The following TBC1D5 variants were observed in gnomAD, a reference collection of about 807,000 sequenced individuals.
The protein encoded by TBC1D5 is TBC1 domain family, member 5.
In TBC1D5, 75 loss-of-function variants were observed where a neutral mutation model predicts 100.3. The ratio of observed to expected loss-of-function variants is 0.75; its 90% confidence interval spans 0.62 to 0.91. The LOEUF is 0.91. Among genes scored for constraint, TBC1D5 ranks in the 40% least tolerant of loss-of-function variants. The probability of loss-of-function intolerance (pLI) is 0.00; values close to 1 mark genes in which losing one functional copy is unlikely to be tolerated. For missense variants in TBC1D5, 910 were observed against 942.4 expected, an observed-to-expected ratio of 0.97 and a Z score of 0.45; for synonymous variants, 323 against 325.6, an observed-to-expected ratio of 0.99 and a Z score of 0.09.
chr3:17,363,461 T>A (rs186871650), intron 13 of TBC1D5, among the ~76,000 whole-genome samples: 13 of 152,108 alleles, frequency 8.5e-5, no homozygotes, highest in East Asian at 7.7e-4. Flanking sequence ...CCTTTTTTTT[T>A]ATTTTTTTAT....
intron 2 of TBC1D5, among the ~76,000 whole-genome samples, chr3:17,582,771 C>T (rs2096707586): frequency 7.0e-6 from 1 of 142,270 alleles, no homozygotes; most frequent in Non-Finnish European, 1.5e-5. Context: ...AAAAACTACA[C>T]AGATACCAAA....
chr3:17,387,662 A>G (rs935356919), intron 8 of TBC1D5, among the ~76,000 whole-genome samples: 1 of 151,744 alleles, frequency 6.6e-6, no homozygotes, highest in Non-Finnish European at 1.5e-5. Flanking sequence ...GGTTTTATTT[A>G]CCCCTTGCTA....
At chr3:17,734,785 CA>C (rs1279123928) in intron 1 of TBC1D5, among the ~76,000 whole-genome samples, 1 of 152,168 alleles carries the variant, frequency 6.6e-6, no homozygotes, top group Non-Finnish European at 1.5e-5. Context: ...ATGTATAACA[CA>C]ACTGTTAAAG....
intron 2 of TBC1D5, among the ~76,000 whole-genome samples, chr3:17,516,200 G>A (rs1326469345): frequency 6.6e-6 from 1 of 152,102 alleles, no homozygotes; most frequent in Non-Finnish European, 1.5e-5. Flanking sequence ...AGCACCAGAA[G>A]TAATTTCTCC....
intron 17 of TBC1D5, among the ~76,000 whole-genome samples, chr3:17,216,641 C>T (rs1476205866): frequency 6.6e-6 from 1 of 152,024 alleles, no homozygotes; most frequent in Non-Finnish European, 1.5e-5. Flanking sequence ...TCCACCTAGG[C>T]CTTTATTTCT....
At chr3:17,484,798 A>C (rs1205837556) in intron 3 of TBC1D5, among the ~76,000 whole-genome samples, 1 of 152,068 alleles carries the variant, frequency 6.6e-6, no homozygotes, top group African/African-American at 2.4e-5. Flanking sequence ...AACCAAGTAT[A>C]TATGCTACCA....
At chr3:17,346,029 CTGCACATTG>C (rs1490515702) in intron 13 of TBC1D5, among the ~76,000 whole-genome samples, 1 of 152,124 alleles carries the variant, frequency 6.6e-6, no homozygotes, top group Non-Finnish European at 1.5e-5. Flanking sequence ...TGTAACTAAC[CTGCACATTG>C]TGCACATGTA....
chr3:17,342,517 G>C (rs1353371609), intron 13 of TBC1D5, among the ~76,000 whole-genome samples: 1 of 152,088 alleles, frequency 6.6e-6, no homozygotes, highest in Admixed American at 6.6e-5. Context: ...CAAATTAAAG[G>C]AAAATATTTA....
intron 4 of TBC1D5, among the ~76,000 whole-genome samples, chr3:17,407,653 G>C (rs1012867752): frequency 6.6e-6 from 1 of 152,024 alleles, no homozygotes; most frequent in African/African-American, 2.4e-5. Flanking sequence ...TTGATCATGG[G>C]ACAAAATGCA....
chr3:17,665,870 T>C (rs1428713655), intron 1 of TBC1D5, among the ~76,000 whole-genome samples: 1 of 152,192 alleles, frequency 6.6e-6, no homozygotes, highest in Non-Finnish European at 1.5e-5. Context: ...TCTTTAAAGC[T>C]TGGACACATT....
chr3:17,272,988 T>C (rs1304696491), intron 15 of TBC1D5, among the ~76,000 whole-genome samples: 1 of 152,186 alleles, frequency 6.6e-6, no homozygotes, highest in East Asian at 1.9e-4. Flanking sequence ...CACTTCTCCC[T>C]TCCTTTTTCT....
intron 19 of TBC1D5, among the ~76,000 whole-genome samples, chr3:17,180,303 G>A (rs967833572): frequency 6.6e-6 from 1 of 152,140 alleles, no homozygotes; most frequent in Non-Finnish European, 1.5e-5. Context: ...AAACTGTGAG[G>A]AAATACTGTT....
chr3:17,535,912 AAACTACGT>A (rs2096277376), intron 2 of TBC1D5, among the ~76,000 whole-genome samples: 1 of 152,218 alleles, frequency 6.6e-6, no homozygotes, highest in South Asian at 2.1e-4. Flanking sequence ...ATAAATTTTT[AAACTACGT>A]AAGTAGGATC....
At chr3:17,727,156 G>A (rs1177348530) in intron 1 of TBC1D5, among the ~76,000 whole-genome samples, 1 of 152,208 alleles carries the variant, frequency 6.6e-6, no homozygotes, top group Non-Finnish European at 1.5e-5. Flanking sequence ...GCTGAGGCAG[G>A]TGGATAACGA....
chr3:17,643,771 T>C (rs1306044569), intron 1 of TBC1D5, among the ~76,000 whole-genome samples: 1 of 152,170 alleles, frequency 6.6e-6, no homozygotes. Flanking sequence ...AAGTCGCTAA[T>C]GACATCTGTC....
At chr3:17,450,690 G>A (rs931242471) in intron 3 of TBC1D5, among the ~76,000 whole-genome samples, 2 of 152,128 alleles carry the variant, frequency 1.3e-5, no homozygotes, top group Non-Finnish European at 2.9e-5. Context: ...AGAGAAAAAA[G>A]AATGAAAAGG....
At chr3:17,718,986 T>C (rs2075468284) in intron 1 of TBC1D5, among the ~76,000 whole-genome samples, 1 of 152,210 alleles carries the variant, frequency 6.6e-6, no homozygotes, top group Non-Finnish European at 1.5e-5. Context: ...CCAATGTCAT[T>C]ATCTCAACAA....
At chr3:17,285,317 G>A (rs1575129637) in intron 15 of TBC1D5, among the ~76,000 whole-genome samples, 3 of 132,968 alleles carry the variant, frequency 2.3e-5, no homozygotes, top group Admixed American at 1.8e-4. Context: ...CTGGAGTGCA[G>A]TGGCGCGATC....
chr3:17,470,590 G>C (rs1239388278), intron 3 of TBC1D5, among the ~76,000 whole-genome samples: 3 of 152,130 alleles, frequency 2.0e-5, no homozygotes, highest in South Asian at 2.1e-4. Flanking sequence ...AATGGCACAA[G>C]GGTCTTCTGC....
Sources: allele counts gnomAD v4.1 joint callset (sites outside exome capture counted in the v4.1 genomes callset), GRCh38; gene constraint gnomAD v4.1.1; transcripts MANE v1.5; gene names NCBI Gene and HGNC (gene_info 2026-07-23, HGNC 2026-07-21).